The following TTC3 variants were observed in gnomAD, a reference collection of about 807,000 sequenced individuals.
The protein encoded by TTC3 is tetratricopeptide repeat domain 3.
A neutral mutation model predicts 249.6 loss-of-function variants in TTC3; 180 were observed. That is an observed-to-expected ratio of 0.72 (90% confidence interval 0.64 to 0.82). The LOEUF (loss-of-function observed/expected upper bound fraction) is 0.82, where lower values mean the gene tolerates loss of function less well. Ranked by LOEUF, TTC3 falls within the 40% of genes least tolerant of loss-of-function variation. TTC3 has a pLI of 0.00. For missense variants in TTC3, 2,061 were observed against 2,398.4 expected, an observed-to-expected ratio of 0.86 and a Z score of 2.94; for synonymous variants, 717 against 805.0, an observed-to-expected ratio of 0.89 and a Z score of 1.85.
At chr21:37,079,450 A>G (rs2071317191) in intron 1 of TTC3, among the ~76,000 whole-genome samples, 1 of 138,796 alleles carries the variant, frequency 7.2e-6, no homozygotes, top group African/African-American at 2.7e-5. Flanking sequence ...CTGTTCAGGT[A>G]TTCTATTTCT....
intron 20 of TTC3, among the ~76,000 whole-genome samples, chr21:37,142,369 A>T (rs1399959760): frequency 6.6e-6 from 1 of 152,210 alleles, no homozygotes; most frequent in Admixed American, 6.5e-5. Context: ...CTCAGCCCAA[A>T]ATCTTCTTAA....
chr21:37,161,799 A>G (rs946956177), intron 30 of TTC3, among the ~76,000 whole-genome samples, 191 bp from the exon 31 acceptor site: 3 of 152,202 alleles, frequency 2.0e-5, no homozygotes, highest in Non-Finnish European at 4.4e-5. Flanking sequence ...CTAAATGTTA[A>G]TTTGAGCTTA....
rs932594018 is a variant in TTC3, at chr21:37,088,108, T to C, written c.188-88T>C. 2.1e-5 allele frequency: 25 copies of C among 1,184,042 alleles called. No homozygotes were observed. In the South Asian group the frequency reaches 3.6e-4, roughly 17 times the overall value. The allele number at this position is 1,184,042 out of a possible 1,614,324, so 73.3% of individuals were successfully genotyped here. ...CATTCATTCATTTCTTCCCTCTCCA[T>C]ATCCATTTTTGCCTTTTTACTATTA... On this transcript the variant is annotated intron_variant, in intron 3 of 45. Coordinates refer to ENST00000355666, the Ensembl canonical transcript of TTC3.
At chr21:37,119,252 A>G (rs1408128034) in intron 11 of TTC3, among the ~76,000 whole-genome samples, 1 of 152,028 alleles carries the variant, frequency 6.6e-6, no homozygotes, top group Non-Finnish European at 1.5e-5. Context: ...CATTTAATCT[A>G]GGGCTAATTT....
chr21:37,099,367 G>T (rs772370285), intron 10 of TTC3, among the ~76,000 whole-genome samples: 1 of 152,184 alleles, frequency 6.6e-6, no homozygotes, highest in African/African-American at 2.4e-5. Context: ...GATGAAACAG[G>T]TATAGGGAGG....
intron 17 of TTC3, 145 bp from the exon 18 acceptor site, chr21:37,135,235 A>G: frequency 1.1e-6 from 1 of 876,446 alleles, no homozygotes; most frequent in African/African-American, 1.7e-5. Context: ...GTGCTGAGAA[A>G]GGAATATGAT....
rs574393206 is a variant in TTC3, at chr21:37,177,554, A to G, written c.4617+4810A>G. Among the ~76,000 whole-genome samples the G allele has an allele frequency of 5.9e-5, 9 of 152,284 alleles. No homozygotes were observed. In the South Asian group the frequency reaches 1.9e-3, roughly 32 times the overall value. ...TTCATCTTCCGCCTTCTCCCTTGCC[A>G]GTTCTCTACATTGTTCTCTAATTTA... On this transcript the variant is annotated intron_variant, in intron 35 of 45. Transcript: ENST00000355666.
chr21:37,088,873 C>T (rs1371541887), exon 5 of TTC3: 2 of 1,613,350 alleles, frequency 1.2e-6, no homozygotes, highest in South Asian at 2.2e-5. Context: ...GTGGATTTGG[C>T]AAAGAAAGTT....
Position 37,175,597 on chromosome 21 carries a change from CAAAA to C in TTC3, c.4617+2870_4617+2873del, listed in dbSNP as rs1175943574. On this transcript the variant is annotated intron_variant, in intron 35 of 45. Transcript: ENST00000355666. ...GGGCGACAAGAGCTAGACTCCATCT[CAAAA>C]AAAAAAAAAAAAAAAAGAATGCTTA... Among the ~76,000 whole-genome samples the C allele has an allele frequency of 7.0e-5, 3 of 42,844 alleles. No homozygotes were observed. In the Admixed American group the frequency reaches 8.4e-4, roughly 12 times the overall value. 28.1% of individuals were successfully genotyped at this position (42,844 alleles called of 152,430 possible).
At chr21:37,183,034 T>C (rs1335958650) in intron 36 of TTC3, 121 bp downstream of exon 36, 3 of 895,382 alleles carry the variant, frequency 3.4e-6, no homozygotes, top group Non-Finnish European at 4.7e-6. Context: ...ATGAATACTG[T>C]TTTCATTGTT....
chr21:37,185,368 T>G (rs901584315), intron 36 of TTC3, among the ~76,000 whole-genome samples: 1 of 152,230 alleles, frequency 6.6e-6, no homozygotes, highest in South Asian at 2.1e-4. Context: ...CCACATCTTC[T>G]CATTTTGAAT....
intron 40 of TTC3, 40 bp from the exon 41 acceptor site, chr21:37,192,072 G>A (rs1309392897): frequency 1.0e-5 from 13 of 1,245,126 alleles, no homozygotes; most frequent in Non-Finnish European, 1.5e-5. Context: ...AGTATTAATT[G>A]ACAATTGTGG....
At chr21:37,104,314 G>C (rs373160129) in intron 10 of TTC3, among the ~76,000 whole-genome samples, 164 of 152,222 alleles carry the variant, frequency 1.1e-3, no homozygotes, top group Non-Finnish European at 1.6e-3. Flanking sequence ...TGAAGGCCAG[G>C]CATGGTGACT....
At chr21:37,126,059 T>A in intron 14 of TTC3, 21 bp from the exon 15 acceptor site, 2 of 1,578,376 alleles carry the variant, frequency 1.3e-6, no homozygotes, top group Non-Finnish European at 1.7e-6. Context: ...TTTTTTTAAG[T>A]CTCACTAATT....
chr21:37,183,345 G>A (rs2082930575), intron 36 of TTC3, among the ~76,000 whole-genome samples: 1 of 152,192 alleles, frequency 6.6e-6, no homozygotes, highest in African/African-American at 2.4e-5. Context: ...CTTGTAGTGT[G>A]AACGATTTGA....
At chr21:37,181,990 C>A (rs2082804947) in intron 35 of TTC3, among the ~76,000 whole-genome samples, 1 of 152,172 alleles carries the variant, frequency 6.6e-6, no homozygotes, top group South Asian at 2.1e-4. Context: ...ATTAAGCCGT[C>A]ATTGATAATA....
At chr21:37,091,468 A>C in intron 7 of TTC3, 55 bp downstream of exon 7, 2 of 1,502,978 alleles carry the variant, frequency 1.3e-6, no homozygotes, top group Middle Eastern at 3.5e-4. Context: ...GGTGTTTGGG[A>C]AAATGAGATA....
chr21:37,085,463 C>T (rs1054979824), intron 1 of TTC3, among the ~76,000 whole-genome samples: 1 of 152,092 alleles, frequency 6.6e-6, no homozygotes, highest in Non-Finnish European at 1.5e-5. Context: ...TGTTAGGAAA[C>T]TGACAGTGAA....
chr21:37,141,503 C>T (rs573270576), intron 20 of TTC3, among the ~76,000 whole-genome samples: 2 of 151,736 alleles, frequency 1.3e-5, no homozygotes, highest in East Asian at 1.9e-4. Flanking sequence ...GGCACAGTGG[C>T]GCACACCTGG....
Sources: gnomAD v4.1 joint callset for allele counts (sites outside exome capture counted in the v4.1 genomes callset) on GRCh38, gnomAD v4.1.1 for gene constraint, MANE v1.5 for transcripts, NCBI Gene and HGNC (gene_info 2026-07-23, HGNC 2026-07-21) for gene names.